SERPINF2: variants seen among roughly 807,000 people sequenced by gnomAD.
The protein encoded by SERPINF2 is serpin family F member 2.
Under a neutral mutation model 45.0 loss-of-function variants are expected in SERPINF2, and 15 were observed. That is an observed-to-expected ratio of 0.33 (90% confidence interval 0.22 to 0.51). The LOEUF is 0.51. SERPINF2 is among the 20% of genes least tolerant of loss of function. The probability of loss-of-function intolerance (pLI) is 0.97; values close to 1 mark genes in which losing one functional copy is unlikely to be tolerated. For synonymous variants in SERPINF2, 283 were observed against 277.9 expected, an observed-to-expected ratio of 1.02 and a Z score of -0.18; for missense variants, 518 against 637.4, an observed-to-expected ratio of 0.81 and a Z score of 2.02.
intron 7 of SERPINF2, 58 bp downstream of exon 7, chr17:1,747,570 C>G (rs1168117115): frequency 1.3e-6 from 2 of 1,563,496 alleles, no homozygotes; most frequent in Non-Finnish European, 8.7e-7. Flanking sequence ...GACGTGCAGG[C>G]CTTTTTGTTT....
intron 5 of SERPINF2, among the ~76,000 whole-genome samples, chr17:1,746,563 A>C (rs759939606): frequency 2.0e-5 from 3 of 151,606 alleles, no homozygotes; most frequent in Non-Finnish European, 4.4e-5. Context: ...AATAGCTGGG[A>C]TCACAGGCAC....
Position 1,745,844 on chromosome 17 carries a change from C to T in SERPINF2, c.302C>T (p.Ser101Phe). The T allele has an allele frequency of 1.2e-6, 2 of 1,614,070 alleles. No individual in the cohort carries two copies. Among genetic ancestry groups the T allele is most frequent in the South Asian group, 1.1e-5 (1 of 91,078 alleles). Reference protein sequence around the residue: ...ADLFSLVAQTSTCPNLILSPL... With the variant: ...ADLFSLVAQTFTCPNLILSPL... ...CTGTTCTCCCTGGTGGCTCAAACGTCCACCTGCCCCAACCTCATCCTGTCA... is the reference window on the plus strand; with the variant it reads ...CTGTTCTCCCTGGTGGCTCAAACGTTCACCTGCCCCAACCTCATCCTGTCA... Residue 101 changes from serine (S) to phenylalanine (F), a missense_variant, in exon 5 of 10, where the codon TCC becomes TTC. Ser to Phe is a radical substitution (Grantham distance 155). Transcript: ENST00000453066. The surrounding 1 kb of genome is among the most constrained non-coding windows in gnomAD (Gnocchi z 6.2).
intron 5 of SERPINF2, 137 bp downstream of exon 5, chr17:1,746,046 G>A (rs1905794516): frequency 3.0e-6 from 3 of 1,002,438 alleles, no homozygotes; most frequent in Non-Finnish European, 4.7e-6. Context: ...CTAGGCCGGG[G>A]CGGTGGCTCA....
rs201516510 is a variant in SERPINF2, at chr17:1,748,578, T to G, written c.716-20T>G. 6.2e-7 allele frequency: 1 copy of G among 1,612,202 alleles called. No individual in the cohort carries two copies. The highest frequency in any genetic ancestry group is 2.2e-5 in the East Asian group (1 of 44,880). On this transcript the variant is annotated intron_variant, in intron 7 of 9. Transcript: ENST00000453066. The stretch of plus-strand genomic sequence containing the variant: ...AGCTGGTCCCCGTCGACGTGACCCC[T>G]GCCCTCTGCTGGGTTTCAGGTTTCT...
In SERPINF2 at chr17:1,745,430, G is replaced by T; in HGVS notation, c.165+35G>T. 6.2e-7 allele frequency: 1 copy of T among 1,607,574 alleles called. No homozygotes were observed. Among genetic ancestry groups the T allele is most frequent in the East Asian group, 2.2e-5 (1 of 44,774 alleles). Reference sequence around the variant, plus strand: ...GGTGGGGCTGGGGAAGAGTGGGCGGGGCTAGAGGGAGGAGGGCCCATCGGC... The same window carrying T: ...GGTGGGGCTGGGGAAGAGTGGGCGGTGCTAGAGGGAGGAGGGCCCATCGGC... On this transcript the variant is annotated intron_variant, in intron 4 of 9. Transcript: ENST00000453066. This position sits in a 1 kb window ranked among gnomAD's most constrained non-coding sequence, Gnocchi z 6.2.
At chr17:1,752,544 G>C in intron 8 of SERPINF2, 42 bp from the exon 9 acceptor site, 1 of 1,595,658 alleles carries the variant, frequency 6.3e-7, no homozygotes, top group Non-Finnish European at 8.6e-7. Context: ...ACTTAGCTTC[G>C]GGGCTTTCTG....
chr17:1,753,409 G>A (rs537560168), intron 9 of SERPINF2, among the ~76,000 whole-genome samples: 50 of 152,230 alleles, frequency 3.3e-4, no homozygotes, highest in African/African-American at 1.1e-3. Context: ...AATAAAGGCC[G>A]GGCATGGTGG....
chr17:1,746,803 C>T (rs1280935570), intron 5 of SERPINF2, among the ~76,000 whole-genome samples: 1 of 152,110 alleles, frequency 6.6e-6, no homozygotes, highest in African/African-American at 2.4e-5. Flanking sequence ...CTGTGGGAAA[C>T]GGAAGCCCAG....
At position 1,745,579 on chromosome 17, in the gene SERPINF2, G is replaced by C. The variant is rs1905741532; in HGVS notation, c.166-129G>C. Reference sequence around the variant, plus strand: ...CCCAGAATGCCAGTGCCCTCCGTCTGACGCTCCCTCTTCCCTGGGGCTGGG... The same window carrying C: ...CCCAGAATGCCAGTGCCCTCCGTCTCACGCTCCCTCTTCCCTGGGGCTGGG... On this transcript the variant is annotated intron_variant, in intron 4 of 9. Coordinates refer to ENST00000453066, the MANE Select transcript of SERPINF2 (RefSeq NM_000934.4). The surrounding 1 kb of genome is among the most constrained non-coding windows in gnomAD (Gnocchi z 6.2). The C allele has an allele frequency of 8.4e-7, 1 of 1,196,370 alleles. No individual in the cohort carries two copies. The highest frequency in any genetic ancestry group is 1.2e-6 in the Non-Finnish European group (1 of 832,920). The allele number at this position is 1,196,370 out of a possible 1,614,324, so 74.1% of individuals were successfully genotyped here. A position where few individuals can be genotyped will look rare whatever the true frequency, so the allele number is the denominator to read the frequency against.
chr17:1,745,092 T>C lies in SERPINF2; in HGVS notation c.63+34T>C. On this transcript the variant is annotated intron_variant, in intron 2 of 9. Coordinates refer to ENST00000453066, the MANE Select transcript of SERPINF2 (RefSeq NM_000934.4). This position sits in a 1 kb window ranked among gnomAD's most constrained non-coding sequence, Gnocchi z 6.2. ...GGGCTGAAGTCAAGGTGGGGTGGGGTGGAGGGGGAAGAAGAGGGGCGTTGG... is the reference window on the plus strand; with the variant it reads ...GGGCTGAAGTCAAGGTGGGGTGGGGCGGAGGGGGAAGAAGAGGGGCGTTGG... 1 of 1,584,836 alleles carries C rather than the reference T, an allele frequency of 6.3e-7. No homozygotes were observed. Among genetic ancestry groups the C allele is most frequent in the Non-Finnish European group, 8.6e-7 (1 of 1,168,242 alleles).
rs142110839 is a variant in SERPINF2 at position 1,754,911 on chromosome 17, T to C, written c.*377T>C. 78 of 303,052 alleles carry C rather than the reference T, an allele frequency of 2.6e-4. No individual in the cohort carries two copies. The highest frequency in any genetic ancestry group is 1.5e-3 in the African/African-American group (70 of 46,036). 18.8% of individuals were successfully genotyped at this position (303,052 alleles called of 1,614,324 possible). A position where few individuals can be genotyped will look rare whatever the true frequency, so the allele number is the denominator to read the frequency against. On this transcript the variant is annotated 3_prime_UTR_variant, in exon 10 of 10. Transcript: ENST00000453066. Reference sequence around the variant, plus strand: ...GAGGGGGAGAGGGCTGCCTTTGGACTTGTCCCGGGACACCTAGGCTAGGGT... The same window carrying C: ...GAGGGGGAGAGGGCTGCCTTTGGACCTGTCCCGGGACACCTAGGCTAGGGT...
In SERPINF2 at chr17:1,743,982, C is replaced by T. The variant is rs529497873; in HGVS notation, c.-4-1010C>T. 1.2e-3 allele frequency among the ~76,000 whole-genome samples: 176 copies of T among 150,840 alleles called. 3 individuals are homozygous for T. The South Asian group carries it at 0.019, about 16-fold the overall frequency. ...CGTGATCTCGGCTCACTGCAACCTC[C>T]GCCTCCCGGGTTCAAGCAGTTCTCT... is the stretch of plus-strand genomic sequence containing the variant. On this transcript the variant is annotated intron_variant, in intron 1 of 9. Coordinates refer to ENST00000453066, the MANE Select transcript of SERPINF2 (RefSeq NM_000934.4).
intron 8 of SERPINF2, among the ~76,000 whole-genome samples, chr17:1,750,179 C>T (rs1935253037): frequency 6.6e-6 from 1 of 151,686 alleles, no homozygotes; most frequent in African/African-American, 2.4e-5. Flanking sequence ...GACGGAGTTT[C>T]TCTCTATCGC....
At chr17:1,752,874 G>A (rs1353681438) in intron 9 of SERPINF2, 84 bp downstream of exon 9, 1 of 1,216,624 alleles carries the variant, frequency 8.2e-7, no homozygotes. Flanking sequence ...CAGTGGAGCT[G>A]AGTCAGAGCT....
chr17:1,746,616 G>C lies in SERPINF2; in HGVS notation c.368-403G>C, dbSNP rs374264493. On this transcript the variant is annotated intron_variant, in intron 5 of 9. Coordinates refer to ENST00000453066, the MANE Select transcript of SERPINF2 (RefSeq NM_000934.4). ...TGATTTTTGTATTTTTAGTAGAGAC[G>C]GGGTTTCACCATGTTGGCCAGGGTG... Among the ~76,000 whole-genome samples, 30 of 152,004 alleles carry C rather than the reference G, an allele frequency of 2.0e-4. No homozygotes were observed. In the East Asian group the frequency reaches 2.8e-3, roughly 14 times the overall value.
chr17:1,754,795 G>C lies in SERPINF2; in HGVS notation c.*261G>C. 1.9e-6 allele frequency: 1 copy of C among 534,920 alleles called. No individual in the cohort carries two copies. 33.1% of individuals were successfully genotyped at this position (534,920 alleles called of 1,614,324 possible). ...GTGTCCTGCACCGGGGCCTGGGCAG[G>C]AGGGAGGTGCTTCTAGTTCTGCCAG... On this transcript the variant is annotated 3_prime_UTR_variant, in exon 10 of 10. Transcript: ENST00000453066.
intron 8 of SERPINF2, among the ~76,000 whole-genome samples, chr17:1,752,070 A>G (rs113228544): frequency 1.7e-5 from 2 of 120,180 alleles, no homozygotes; most frequent in African/African-American, 5.1e-5. Flanking sequence ...TCTTTTTTTG[A>G]GACGGATTTT....
At chr17:1,746,959 T>C (rs182096996) in intron 5 of SERPINF2, 60 bp from the exon 6 acceptor site, 3 of 1,581,312 alleles carry the variant, frequency 1.9e-6, no homozygotes, top group East Asian at 4.5e-5. Flanking sequence ...GGGACTGGAG[T>C]GGGCAGTGGG....
rs202237171 is a variant in SERPINF2, at chr17:1,745,428, G to A, written c.165+33G>A. ...CAGGTGGGGCTGGGGAAGAGTGGGC[G>A]GGGCTAGAGGGAGGAGGGCCCATCG... On this transcript the variant is annotated intron_variant, in intron 4 of 9. Transcript: ENST00000453066. This position sits in a 1 kb window ranked among gnomAD's most constrained non-coding sequence, Gnocchi z 6.2. 1,152 of 1,607,476 alleles carry A rather than the reference G, an allele frequency of 7.2e-4. 2 individuals carry two copies. The highest frequency in any genetic ancestry group is 9.2e-4 in the Non-Finnish European group (1,085 of 1,176,944).
Sources: allele counts gnomAD v4.1 joint callset (sites outside exome capture counted in the v4.1 genomes callset), GRCh38; gene constraint gnomAD v4.1.1; non-coding constraint Gnocchi (gnomAD v3.1); transcripts MANE v1.5; gene names NCBI Gene and HGNC (gene_info 2026-07-23, HGNC 2026-07-21).